Variants in CDH12 observed in about 807,000 individuals in gnomAD.
CDH12 encodes the protein cadherin 12.
In CDH12, 41 loss-of-function variants were observed where a neutral mutation model predicts 74.1. The observed-to-expected ratio is 0.55, with a 90% CI of 0.43 to 0.72. The LOEUF (loss-of-function observed/expected upper bound fraction) is 0.72. Ranked by LOEUF, CDH12 falls within the 30% of genes least tolerant of loss-of-function variation. The probability of loss-of-function intolerance (pLI) is 0.00; values close to 1 mark genes in which losing one functional copy is unlikely to be tolerated. For missense variants in CDH12, 945 were observed against 977.2 expected (o/e 0.97, Z 0.44); for synonymous variants, 399 against 355.0 (o/e 1.12, Z -1.39).
chr5:22,686,612 A>T (rs1182521595), intron 1 of CDH12, among the ~76,000 whole-genome samples: 1 of 152,206 alleles, frequency 6.6e-6, no homozygotes, highest in African/African-American at 2.4e-5. Flanking sequence ...TGTCTCAGCA[A>T]CATTTCTTGA....
intron 1 of CDH12, among the ~76,000 whole-genome samples, chr5:22,843,310 A>G (rs1311549437): frequency 6.6e-6 from 1 of 152,058 alleles, no homozygotes; most frequent in South Asian, 2.1e-4. Context: ...AAATAAATTC[A>G]CTAAGAGTTC....
intron 3 of CDH12, among the ~76,000 whole-genome samples, chr5:22,314,971 T>TTTTTTTTTTTTTA (rs1738556943): frequency 9.4e-6 from 1 of 106,448 alleles, no homozygotes; most frequent in African/African-American, 3.7e-5. Context: ...TTTTTTTTTT[T>TTTTTTTTTTTTTA]GAGATGGAGT....
chr5:22,637,118 T>G (rs1447767757), intron 1 of CDH12, among the ~76,000 whole-genome samples: 1 of 152,242 alleles, frequency 6.6e-6, no homozygotes, highest in East Asian at 1.9e-4. Context: ...ATACATTCAT[T>G]AATAAACACA....
intron 6 of CDH12, among the ~76,000 whole-genome samples, chr5:21,911,165 G>C (rs1753843678): frequency 6.6e-6 from 1 of 152,030 alleles, no homozygotes; most frequent in Non-Finnish European, 1.5e-5. Flanking sequence ...CTTCATTGAT[G>C]GCCATTACGT....
At chr5:22,411,033 T>C (rs1165300543) in intron 2 of CDH12, among the ~76,000 whole-genome samples, 1 of 151,894 alleles carries the variant, frequency 6.6e-6, no homozygotes, top group African/African-American at 2.4e-5. Flanking sequence ...TTGGGGATAA[T>C]TGTACTCTAC....
chr5:22,245,056 G>A (rs2150383561), intron 3 of CDH12, among the ~76,000 whole-genome samples: 1 of 152,294 alleles, frequency 6.6e-6, no homozygotes, highest in East Asian at 1.9e-4. Context: ...GAGCACGCAC[G>A]AGGGGAGGTG....
intron 2 of CDH12, among the ~76,000 whole-genome samples, chr5:22,493,662 T>C (rs892973854): frequency 6.6e-6 from 1 of 152,012 alleles, no homozygotes. Flanking sequence ...CAGGTAATTA[T>C]GAATAAAAGA....
At chr5:21,940,059 TA>T (rs150268204) in intron 6 of CDH12, among the ~76,000 whole-genome samples, 17 of 150,366 alleles carry the variant, frequency 1.1e-4, no homozygotes, top group Admixed American at 2.0e-4. Context: ...CATCTCTACT[TA>T]AAAAAATAAA....
At chr5:22,291,342 A>G (rs1737380919) in intron 3 of CDH12, among the ~76,000 whole-genome samples, 1 of 152,178 alleles carries the variant, frequency 6.6e-6, no homozygotes, top group African/African-American at 2.4e-5. Flanking sequence ...TCATTATAGT[A>G]CACTGGAGGT....
chr5:21,854,962 G>GAT (rs1268401337), intron 6 of CDH12, among the ~76,000 whole-genome samples, 172 bp from the exon 7 acceptor site: 1 of 151,718 alleles, frequency 6.6e-6, no homozygotes, highest in African/African-American at 2.4e-5. Context: ...GTTGAGCAAT[G>GAT]ATATAGTTAG....
chr5:22,368,536 T>C (rs977424149), intron 3 of CDH12, among the ~76,000 whole-genome samples: 11 of 150,952 alleles, frequency 7.3e-5, no homozygotes, highest in Non-Finnish European at 1.3e-4. Flanking sequence ...ACTCCTGGGC[T>C]CAAGAGATGC....
chr5:22,626,557 T>C (rs268999), intron 1 of CDH12, among the ~76,000 whole-genome samples: 84,529 of 151,878 alleles, frequency 0.56, 23,844 homozygotes, highest in East Asian at 0.68. Context: ...ATCAAACCCC[T>C]AAGGGCATCA....
At chr5:22,302,874 G>T (rs538341126) in intron 3 of CDH12, among the ~76,000 whole-genome samples, 7 of 152,160 alleles carry the variant, frequency 4.6e-5, no homozygotes, top group African/African-American at 1.7e-4. Flanking sequence ...ACACACACAT[G>T]ATTTCTGAGT....
chr5:22,252,429 G>A (rs182456787), intron 3 of CDH12, among the ~76,000 whole-genome samples: 6 of 150,986 alleles, frequency 4.0e-5, no homozygotes, highest in East Asian at 3.9e-4. Context: ...GGTTGGATTC[G>A]AACACTTGCT....
chr5:22,525,125 C>T (rs988026432), intron 1 of CDH12, among the ~76,000 whole-genome samples: 2 of 152,060 alleles, frequency 1.3e-5, no homozygotes, highest in African/African-American at 4.8e-5. Context: ...CATGTCCCTA[C>T]AAAGGACATG....
At position 22,752,365 on chromosome 5, in the gene CDH12, G is replaced by A. The variant is rs939781795; in HGVS notation, c.-523+100693C>T. Among the ~76,000 whole-genome samples, 44 of 151,600 alleles carry A rather than the reference G, an allele frequency of 2.9e-4. 1 individual carries two copies. Among genetic ancestry groups the A allele is most frequent in the African/African-American group, 9.4e-4 (39 of 41,356 alleles). ...GCTTTCAAAGAAGCCGGAAAGTATG[G>A]AAGCTATACTAACAATGAGTTTCAT... On this transcript the variant is annotated intron_variant, in intron 1 of 14. Coordinates refer to ENST00000382254, the MANE Select transcript of CDH12 (RefSeq NM_004061.5).
intron 10 of CDH12, among the ~76,000 whole-genome samples, chr5:21,793,765 C>A (rs995139622): frequency 1.3e-5 from 2 of 151,502 alleles, no homozygotes; most frequent in African/African-American, 2.4e-5. Flanking sequence ...AGCTAATTTG[C>A]GCTCTGAAAG....
At chr5:22,732,103 AT>A (rs1744456657) in intron 1 of CDH12, among the ~76,000 whole-genome samples, 3 of 151,816 alleles carry the variant, frequency 2.0e-5, no homozygotes, top group South Asian at 4.1e-4. Context: ...CAACAGAAAT[AT>A]ATTTTCTCAC....
At chr5:22,760,901 C>A (rs974976906) in intron 1 of CDH12, among the ~76,000 whole-genome samples, 1 of 151,990 alleles carries the variant, frequency 6.6e-6, no homozygotes, top group Non-Finnish European at 1.5e-5. Context: ...CCACAACATG[C>A]ACAAAAAAAC....
Sources: allele counts gnomAD v4.1 joint callset (sites outside exome capture counted in the v4.1 genomes callset), GRCh38; gene constraint gnomAD v4.1.1; transcripts MANE v1.5; gene names NCBI Gene and HGNC (gene_info 2026-07-23, HGNC 2026-07-21).